Variants in NHSL1 observed in about 807,000 individuals in gnomAD.
The protein encoded by NHSL1 is NHS-like protein 1.
NHSL1 carries 48 observed loss-of-function variants against 95.0 expected under a neutral mutation model. The observed-to-expected ratio is 0.51, with a 90% confidence interval of 0.40 to 0.64. The LOEUF (loss-of-function observed/expected upper bound fraction) is 0.64, where lower values mean the gene tolerates loss of function less well. Among genes scored for constraint, NHSL1 ranks in the 30% least tolerant of loss-of-function variants. NHSL1 has a pLI of 0.00. For synonymous variants in NHSL1, 783 were observed against 833.9 expected (o/e 0.94, Z 1.05); for missense variants, 1,971 against 2,077.7 (o/e 0.95, Z 1.00).
chr6:138,630,056 T>G (rs2114655673), intron 1 of NHSL1, among the ~76,000 whole-genome samples: 1 of 152,248 alleles, frequency 6.6e-6, no homozygotes. Context: ...CTACAAAAAA[T>G]CTTTTTAAAT....
chr6:138,662,089 C>CAAT (rs764336808), intron 1 of NHSL1, among the ~76,000 whole-genome samples: 1 of 149,340 alleles, frequency 6.7e-6, no homozygotes, highest in Non-Finnish European at 1.5e-5. Flanking sequence ...ATAGTAATAA[C>CAAT]AATAATAATA....
At position 138,431,693 on chromosome 6, in the gene NHSL1, C is replaced by T; in HGVS notation, c.2652G>A (p.Lys884=). 6.4e-7 allele frequency: 1 copy of T among 1,551,684 alleles called. No homozygotes were observed. The highest frequency in any genetic ancestry group is 1.4e-5 in the African/African-American group (1 of 73,160). The change falls in exon 6 of 8, where the codon AAG becomes AAA. Residue 884 remains lysine, a synonymous_variant. Coordinates refer to ENST00000343505, the MANE Select transcript of NHSL1 (RefSeq NM_001144060.2). This position sits in a 1 kb window ranked among gnomAD's most constrained non-coding sequence, Gnocchi z 4.0. ...PANGKGKPKP[K]VPERKSSLIS... is the part of the protein sequence containing the mutation. ...TCAGAGAGGACTTCCTTTCTGGTACCTTGGGCTTGGGCTTCCCCTTCCCGT... is the reference window on the plus strand; with the variant it reads ...TCAGAGAGGACTTCCTTTCTGGTACTTTGGGCTTGGGCTTCCCCTTCCCGT...
At chr6:138,629,665 G>A (rs1194395604) in intron 1 of NHSL1, among the ~76,000 whole-genome samples, 1 of 152,218 alleles carries the variant, frequency 6.6e-6, no homozygotes, top group African/African-American at 2.4e-5. Flanking sequence ...TTACAGGCGT[G>A]AGCCACCACG....
At position 138,450,904 on chromosome 6, in the gene NHSL1, G is replaced by A. The variant is rs115059877; in HGVS notation, c.340-3711C>T. 7.7e-3 allele frequency among the ~76,000 whole-genome samples: 1,179 copies of A among 152,176 alleles called. 9 individuals are homozygous for A. Among genetic ancestry groups the A allele is most frequent in the African/African-American group, 0.026 (1,084 of 41,522 alleles). On this transcript the variant is annotated intron_variant, in intron 3 of 7. Transcript: ENST00000343505. ...ATTTCAGTGGCAGAACACATGATTA[G>A]CCCATTAAGATGGACATAGTAATAC...
chr6:138,446,941 C>G (rs1245457499), intron 4 of NHSL1, 60 bp downstream of exon 4: 13 of 1,477,014 alleles, frequency 8.8e-6, no homozygotes, highest in Non-Finnish European at 1.1e-5. Flanking sequence ...CAGCATAAAA[C>G]AAAAAGCTGT....
intron 3 of NHSL1, among the ~76,000 whole-genome samples, chr6:138,452,259 T>C (rs1777286077): frequency 6.6e-6 from 1 of 152,208 alleles, no homozygotes; most frequent in African/African-American, 2.4e-5. Context: ...TTTTGGATGC[T>C]GGAAGACCTG....
At chr6:138,580,048 T>G (rs1261503774) in intron 1 of NHSL1, among the ~76,000 whole-genome samples, 1 of 152,196 alleles carries the variant, frequency 6.6e-6, no homozygotes, top group African/African-American at 2.4e-5. Context: ...GTAACAAAAT[T>G]CTTTAATCAG....
intron 1 of NHSL1, among the ~76,000 whole-genome samples, chr6:138,625,144 T>TTTTGC (rs1210617920): frequency 1.3e-5 from 2 of 152,232 alleles, no homozygotes; most frequent in Non-Finnish European, 2.9e-5. Context: ...TGTTGCTTTG[T>TTTTGC]TTTGCTTTGC....
chr6:138,652,263 G>T (rs904977267), intron 1 of NHSL1, among the ~76,000 whole-genome samples: 10 of 151,914 alleles, frequency 6.6e-5, no homozygotes, highest in Non-Finnish European at 1.3e-4. Flanking sequence ...CCAACATGGA[G>T]AAACCCCAAC....
intron 1 of NHSL1, among the ~76,000 whole-genome samples, chr6:138,584,728 C>T (rs1464228251): frequency 1.3e-5 from 2 of 152,206 alleles, no homozygotes; most frequent in African/African-American, 2.4e-5. Flanking sequence ...TATGCCACCA[C>T]GAAGAACTTC....
At chr6:138,428,118 C>T (rs1481910870) in intron 7 of NHSL1, among the ~76,000 whole-genome samples, 1 of 152,152 alleles carries the variant, frequency 6.6e-6, no homozygotes, top group Non-Finnish European at 1.5e-5. Context: ...GTAATTTGGA[C>T]CCACAACAGT....
chr6:138,619,746 G>A (rs1217218377), intron 1 of NHSL1, among the ~76,000 whole-genome samples: 3 of 152,006 alleles, frequency 2.0e-5, no homozygotes, highest in African/African-American at 4.8e-5. Flanking sequence ...TCAAGAGATC[G>A]AGACCATCCT....
chr6:138,491,016 T>C (rs1413337830), intron 2 of NHSL1, among the ~76,000 whole-genome samples: 1 of 152,230 alleles, frequency 6.6e-6, no homozygotes, highest in Non-Finnish European at 1.5e-5. Flanking sequence ...TTTTTCACAT[T>C]GTGTAATAAA....
intron 1 of NHSL1, among the ~76,000 whole-genome samples, chr6:138,678,230 G>A (rs1268065571): frequency 6.6e-6 from 1 of 152,148 alleles, no homozygotes; most frequent in Non-Finnish European, 1.5e-5. Flanking sequence ...AAATAAGCCA[G>A]AAATTTCATT....
intron 1 of NHSL1, among the ~76,000 whole-genome samples, chr6:138,614,374 A>C (rs1463921473): frequency 6.6e-6 from 1 of 152,202 alleles, no homozygotes; most frequent in Non-Finnish European, 1.5e-5. Flanking sequence ...TGGCCTCGTG[A>C]AACCATCCTA....
intron 1 of NHSL1, among the ~76,000 whole-genome samples, chr6:138,599,473 T>C (rs182764991): frequency 7.9e-5 from 12 of 152,108 alleles, no homozygotes; most frequent in South Asian, 6.2e-4. Context: ...GACTGCACCA[T>C]TGCACTCCAG....
chr6:138,604,208 A>C (rs987992906), intron 1 of NHSL1, among the ~76,000 whole-genome samples: 1 of 152,214 alleles, frequency 6.6e-6, no homozygotes, highest in African/African-American at 2.4e-5. Context: ...GTCAACTAAA[A>C]AGAAAAATAA....
chr6:138,654,248 T>C (rs1305906542), intron 1 of NHSL1, among the ~76,000 whole-genome samples: 1 of 152,206 alleles, frequency 6.6e-6, no homozygotes, highest in Non-Finnish European at 1.5e-5. Context: ...TAAACAAGAC[T>C]TTATTTTTTC....
intron 1 of NHSL1, among the ~76,000 whole-genome samples, chr6:138,644,002 A>G (rs900814574): frequency 1.6e-5 from 2 of 122,148 alleles, no homozygotes; most frequent in South Asian, 5.5e-4. Flanking sequence ...ATCTAAGATT[A>G]AAAAAAAAAA....
Sources: gnomAD v4.1 joint callset for allele counts (sites outside exome capture counted in the v4.1 genomes callset) on GRCh38, gnomAD v4.1.1 for gene constraint, Gnocchi (gnomAD v3.1) non-coding constraint, MANE v1.5 for transcripts, NCBI Gene and HGNC (gene_info 2026-07-23, HGNC 2026-07-21) for gene names.